Variants in SMNDC1 observed in about 807,000 individuals in gnomAD.
SMNDC1 encodes survival of motor neuron-related-splicing factor 30.
Under a neutral mutation model 29.2 loss-of-function variants are expected in SMNDC1, and 5 were observed. The observed-to-expected ratio is 0.17, with a 90% CI of 0.09 to 0.36. The LOEUF (loss-of-function observed/expected upper bound fraction) is 0.36, where lower values mean the gene tolerates loss of function less well. Ranked by LOEUF, SMNDC1 falls within the 10% of genes least tolerant of loss-of-function variation. The probability of loss-of-function intolerance (pLI) is 1.00; values close to 1 mark genes in which losing one functional copy is unlikely to be tolerated. For missense variants in SMNDC1, 142 were observed against 268.5 expected, an observed-to-expected ratio of 0.53 and a Z score of 3.29; for synonymous variants, 80 against 89.9, an observed-to-expected ratio of 0.89 and a Z score of 0.62.
intron 4 of SMNDC1, among the ~76,000 whole-genome samples, chr10:110,296,869 T>C (rs1232669375): frequency 6.6e-6 from 1 of 152,216 alleles, no homozygotes; most frequent in East Asian, 1.9e-4. Flanking sequence ...AAAAAAAATT[T>C]ACTAAGCTCT....
At chr10:110,303,830 A>C in intron 1 of SMNDC1, 1 of 410,994 alleles carries the variant, frequency 2.4e-6, no homozygotes, top group Non-Finnish European at 4.3e-6. Context: ...AAGCATACAG[A>C]TACAAAGAAA....
intron 3 of SMNDC1, among the ~76,000 whole-genome samples, chr10:110,298,268 C>A (rs1393967368): frequency 6.6e-6 from 1 of 152,184 alleles, no homozygotes; most frequent in East Asian, 1.9e-4. Context: ...AGATTACAGG[C>A]ATGAGCCACC....
chr10:110,301,869 T>C (rs1010187364), intron 2 of SMNDC1, among the ~76,000 whole-genome samples: 9 of 152,206 alleles, frequency 5.9e-5, no homozygotes, highest in Non-Finnish European at 1.5e-5. Flanking sequence ...ATGATGATCA[T>C]GACATGGTAA....
intron 4 of SMNDC1, among the ~76,000 whole-genome samples, chr10:110,296,424 A>G (rs1857563655): frequency 1.3e-5 from 2 of 152,224 alleles, no homozygotes; most frequent in South Asian, 4.1e-4. Flanking sequence ...ATTTTATTTT[A>G]TTGGAATGCT....
chr10:110,298,522 C>T, intron 3 of SMNDC1, 126 bp downstream of exon 3: 1 of 692,496 alleles, frequency 1.4e-6, no homozygotes, highest in Non-Finnish European at 2.3e-6. Flanking sequence ...ATCAAATTGG[C>T]TCTATAAATC....
chr10:110,292,669 C>T lies in SMNDC1; in HGVS notation c.*1481G>A, dbSNP rs570670683. 2.8e-4 allele frequency: 43 copies of T among 151,812 alleles called. No homozygotes were observed. The highest frequency in any genetic ancestry group is 1.4e-3 in the East Asian group (7 of 5,180). The allele number at this position is 151,812 out of a possible 1,614,324, so 9.4% of individuals were successfully genotyped here. ...TCCTTTGTGTCCTACCCTGTGGCCA[C>T]GAATTATATGAAGAAAAAGTGACCC... is the stretch of plus-strand genomic sequence containing the variant. On this transcript the variant is annotated 3_prime_UTR_variant, in exon 6 of 6. Coordinates refer to ENST00000369603, the MANE Select transcript of SMNDC1 (RefSeq NM_005871.4).
intron 4 of SMNDC1, among the ~76,000 whole-genome samples, chr10:110,295,637 CCTT>C (rs1431698680): frequency 2.7e-5 from 3 of 112,886 alleles, no homozygotes; most frequent in Non-Finnish European, 6.3e-5. Flanking sequence ...TTCAACTATG[CCTT>C]TTTTTTTTTT....
chr10:110,295,303 C>T lies in SMNDC1; in HGVS notation c.504G>A (p.Glu168=). The part of the protein sequence containing the change: ...LKKAQRIKEL[E]QEREDQKVKW... ...TCACTTTCTGGTCCTCTCTTTCCTG[C>T]TCAAGTTCTTTTATTCTCTGAGCTT... Residue 168 remains glutamate, a synonymous_variant, in exon 5 of 6, where the codon GAG becomes GAA. Coordinates refer to ENST00000369603, the MANE Select transcript of SMNDC1 (RefSeq NM_005871.4). 1.2e-6 allele frequency: 2 copies of T among 1,610,712 alleles called. No homozygotes were observed. Among genetic ancestry groups the T allele is most frequent in the Non-Finnish European group, 1.7e-6 (2 of 1,178,960 alleles).
chr10:110,300,188 C>T (rs776541751), intron 2 of SMNDC1, among the ~76,000 whole-genome samples: 11 of 152,178 alleles, frequency 7.2e-5, no homozygotes, highest in Admixed American at 4.6e-4. Flanking sequence ...ACCTAGGGAT[C>T]ATTTAACTTA....
In SMNDC1 at chr10:110,304,735, G is replaced by A. The variant is rs997339457; in HGVS notation, c.-1+13C>T. On this transcript the variant is annotated intron_variant, in intron 1 of 5. Transcript: ENST00000369603. ...CGGCCAGGCCTTACTCTCTCCCTCA[G>A]GGGGGTTGTTACCTTGTGTGGGGCT... 6.6e-6 allele frequency: 1 copy of A among 152,528 alleles called. No individual in the cohort carries two copies. Among genetic ancestry groups the A allele is most frequent in the Non-Finnish European group, 1.5e-5 (1 of 68,298 alleles). The allele number at this position is 152,528 out of a possible 1,614,324, so 9.4% of individuals were successfully genotyped here. A position where few individuals can be genotyped will look rare whatever the true frequency, so the allele number is the denominator to read the frequency against.
intron 2 of SMNDC1, among the ~76,000 whole-genome samples, chr10:110,301,510 C>A (rs1857648103): frequency 6.6e-6 from 1 of 152,204 alleles, no homozygotes; most frequent in Admixed American, 6.5e-5. Flanking sequence ...TCTGTTATTA[C>A]TATCTGAAGT....
rs1341784806 is a variant in SMNDC1, at chr10:110,292,403, A to T, written c.*1747T>A. ...ACTGTTAACAGTCCTGCCTACACAA[A>T]CATCAAGTGAATTACTATTCTAATA... On this transcript the variant is annotated 3_prime_UTR_variant, in exon 6 of 6. Coordinates refer to ENST00000369603, the MANE Select transcript of SMNDC1 (RefSeq NM_005871.4). 1.3e-5 allele frequency: 2 copies of T among 152,116 alleles called. No individual in the cohort carries two copies. Among genetic ancestry groups the T allele is most frequent in the African/African-American group, 4.8e-5 (2 of 41,408 alleles). The allele number at this position is 152,116 out of a possible 1,614,324, so 9.4% of individuals were successfully genotyped here.
intron 3 of SMNDC1, 119 bp downstream of exon 3, chr10:110,298,529 A>G: frequency 1.3e-6 from 1 of 794,742 alleles, no homozygotes. Flanking sequence ...TGGCTCTATA[A>G]ATCATACTGC....
In SMNDC1 at chr10:110,295,249, A is replaced by G. The variant is rs1857549059; in HGVS notation, c.558T>C (p.Tyr186=). The G allele has an allele frequency of 6.3e-7, 1 of 1,596,260 alleles. No homozygotes were observed. Among genetic ancestry groups the G allele is most frequent in the Non-Finnish European group, 8.5e-7 (1 of 1,175,712 alleles). ...CAACCTGGCCTTTTTTGTTTTTAGA[A>G]TAGGCTCTGTTGTTGAATTGTTGCC... The part of the protein sequence containing the change: ...VKWQQFNNRA[Y]SKNKKGQVKR... The change falls in exon 5 of 6, where the codon TAT becomes TAC. Residue 186 remains tyrosine (Y), a synonymous_variant. Transcript: ENST00000369603.
At chr10:110,303,682 G>C (rs1250569173) in intron 1 of SMNDC1, 95 bp from the exon 2 acceptor site, 1 of 1,256,110 alleles carries the variant, frequency 8.0e-7, no homozygotes, top group East Asian at 2.6e-5. Context: ...ACCAGTTTTT[G>C]CCTCTAACTC....
intron 2 of SMNDC1, among the ~76,000 whole-genome samples, chr10:110,303,037 G>T (rs1276830657): frequency 6.6e-6 from 1 of 151,518 alleles, no homozygotes; most frequent in Non-Finnish European, 1.5e-5. Flanking sequence ...AAAAAAAAAA[G>T]GCACGCATTT....
At chr10:110,300,032 C>A (rs906313357) in intron 2 of SMNDC1, among the ~76,000 whole-genome samples, 8 of 152,094 alleles carry the variant, frequency 5.3e-5, no homozygotes, top group Non-Finnish European at 1.2e-4. Context: ...AGCAAAGAAC[C>A]TTCCAAATAA....
intron 2 of SMNDC1, among the ~76,000 whole-genome samples, chr10:110,299,138 G>A (rs1857609831): frequency 6.6e-6 from 1 of 152,176 alleles, no homozygotes; most frequent in African/African-American, 2.4e-5. Flanking sequence ...ATGAGGCACT[G>A]AATTAGATAC....
At position 110,303,459 on chromosome 10, in the gene SMNDC1, C is replaced by T. The variant is rs1054816764; in HGVS notation, c.120+9G>A. ...CAGAGAAAAAGTACAATTGTCTACC[C>T]ATACTTACTTGTAAATCTTTCTTCA... On this transcript the variant is annotated intron_variant, in intron 2 of 5. Transcript: ENST00000369603. The T allele has an allele frequency of 1.3e-6, 2 of 1,570,438 alleles. No individual in the cohort carries two copies. Among genetic ancestry groups the T allele is most frequent in the East Asian group, 4.7e-5 (2 of 42,710 alleles).
Sources: gnomAD v4.1 joint callset for allele counts (sites outside exome capture counted in the v4.1 genomes callset) on GRCh38, gnomAD v4.1.1 for gene constraint, MANE v1.5 for transcripts, NCBI Gene and HGNC (gene_info 2026-07-23, HGNC 2026-07-21) for gene names.